The following CSNK2A1 variants were observed in gnomAD, a reference collection of about 807,000 sequenced individuals.
CSNK2A1 encodes casein kinase II subunit alpha.
CSNK2A1 carries 10 observed loss-of-function variants against 62.9 expected under a neutral mutation model. That is an observed-to-expected ratio of 0.16 (90% CI 0.10 to 0.27). The LOEUF is 0.27. CSNK2A1 is among the 10% of genes least tolerant of loss of function. CSNK2A1 has a pLI of 1.00. For synonymous variants in CSNK2A1, 124 were observed against 167.8 expected (o/e 0.74, Z 2.02); for missense variants, 160 against 492.0 (o/e 0.33, Z 6.38).
intron 1 of CSNK2A1, chr20:540,073 A>ATC (rs2019415260): frequency 6.6e-6 from 1 of 152,180 alleles, no homozygotes. Flanking sequence ...GGGCTCTCCT[A>ATC]TCTCCGTCTG....
At chr20:541,560 A>T (rs2019451258) in intron 1 of CSNK2A1, among the ~76,000 whole-genome samples, 2 of 152,194 alleles carry the variant, frequency 1.3e-5, no homozygotes, top group South Asian at 4.1e-4. Flanking sequence ...GACAATAGTA[A>T]AAACAAGGAC....
chr20:514,228 C>T (rs1350022345), intron 2 of CSNK2A1, among the ~76,000 whole-genome samples: 1 of 151,780 alleles, frequency 6.6e-6, no homozygotes, highest in Non-Finnish European at 1.5e-5. Flanking sequence ...ACTGTGGTCC[C>T]AGGTACTTGG....
chr20:526,242 C>A (rs2019087347), intron 2 of CSNK2A1, among the ~76,000 whole-genome samples: 1 of 152,050 alleles, frequency 6.6e-6, no homozygotes, highest in Non-Finnish European at 1.5e-5. Flanking sequence ...AAGGCCAAGG[C>A]AAAGGATTGT....
rs2018178593 is a variant in CSNK2A1 at position 489,820 on chromosome 20, C to T, written c.683G>A (p.Arg228Gln). 1.2e-6 allele frequency: 2 copies of T among 1,613,176 alleles called. No individual in the cohort carries two copies. The highest frequency in any genetic ancestry group is 8.5e-7 in the Non-Finnish European group (1 of 1,179,514). Residue 228 changes from arginine (R) to glutamine (Q), a missense_variant, in exon 10 of 14, where the codon CGG (arginine) becomes CAG (glutamine). Around this residue, in one of 3 missense-constraint regions of CSNK2A1, gnomAD observed 94 missense variants for 357.6 expected, o/e 0.26. Coordinates refer to ENST00000217244, the MANE Select transcript of CSNK2A1 (RefSeq NM_177559.3). Reference protein sequence around the residue: ...LGCMLASMIFRKEPFFHGHDN... With the variant: ...LGCMLASMIFQKEPFFHGHDN... ...ATGTCCATGGAAAAATGGCTCCTTC[C>T]GAAAGATCATACTTGCCAGCATACA...
At chr20:491,226 CA>C (rs147878595) in intron 9 of CSNK2A1, among the ~76,000 whole-genome samples, 1 of 152,198 alleles carries the variant, frequency 6.6e-6, no homozygotes, top group African/African-American at 2.4e-5. Context: ...AAACACTTGG[CA>C]AATCTATTAT....
At chr20:529,914 C>T (rs2019177123) in intron 1 of CSNK2A1, among the ~76,000 whole-genome samples, 1 of 152,174 alleles carries the variant, frequency 6.6e-6, no homozygotes, top group South Asian at 2.1e-4. Context: ...GAATATATTT[C>T]CCACAGATGG....
chr20:529,658 T>C (rs561420718), intron 1 of CSNK2A1, among the ~76,000 whole-genome samples: 105 of 152,222 alleles, frequency 6.9e-4, no homozygotes, highest in Non-Finnish European at 6.8e-4. Flanking sequence ...TGGAAATTGC[T>C]AAGATCTATG....
chr20:540,800 T>TA (rs1278892823), intron 1 of CSNK2A1: 1 of 152,230 alleles, frequency 6.6e-6, no homozygotes, highest in Admixed American at 6.5e-5. Flanking sequence ...ATGTAGTAGC[T>TA]AAAAATAACA....
intron 2 of CSNK2A1, among the ~76,000 whole-genome samples, chr20:511,499 TC>T (rs2018717582): frequency 6.6e-6 from 1 of 152,168 alleles, no homozygotes; most frequent in Admixed American, 6.5e-5. Context: ...TAATTTTCCC[TC>T]CCCCAACTCT....
chr20:508,909 T>C (rs1025542509), intron 2 of CSNK2A1, among the ~76,000 whole-genome samples: 4 of 152,312 alleles, frequency 2.6e-5, no homozygotes, highest in South Asian at 4.1e-4. Flanking sequence ...CAGGCAAAAT[T>C]TGAATGATTT....
rs1165379071 is a variant in CSNK2A1, at chr20:473,564, G to C, written c.*10397C>G. On this transcript the variant is annotated 3_prime_UTR_variant, in exon 14 of 14. Coordinates refer to ENST00000217244, the MANE Select transcript of CSNK2A1 (RefSeq NM_177559.3). ...GGGGATACAGGGAAGGGTCTGGGTGGAGCACTGTGATCCTTTCACAGTAGC... is the reference window on the plus strand; with the variant it reads ...GGGGATACAGGGAAGGGTCTGGGTGCAGCACTGTGATCCTTTCACAGTAGC... The C allele has an allele frequency of 6.6e-6, 1 of 152,292 alleles. No homozygotes were observed. Among genetic ancestry groups the C allele is most frequent in the East Asian group, 1.9e-4 (1 of 5,172 alleles). The allele number at this position is 152,292 out of a possible 1,614,324, so 9.4% of individuals were successfully genotyped here. A position where few individuals can be genotyped will look rare whatever the true frequency, so the allele number is the denominator to read the frequency against.
At position 488,701 on chromosome 20, in the gene CSNK2A1, T is replaced by C. The variant is rs1469499409; in HGVS notation, c.801A>G (p.Pro267=). 6.2e-7 allele frequency: 1 copy of C among 1,613,864 alleles called. No homozygotes were observed. The highest frequency in any genetic ancestry group is 8.5e-7 in the Non-Finnish European group (1 of 1,179,916). Residue 267 remains proline, a synonymous_variant, in exon 11 of 14, where the codon CCA becomes CCG. Transcript: ENST00000217244. ...YIDKYNIELD[P]RFNDILGRHS... ...ACCTGCCCAAGATATCATTGAAACG[T>C]GGATCTAATTCAATGTTGTATTTGT...
chr20:543,737 A>C lies in CSNK2A1; in HGVS notation c.-292T>G. ...TGCTCACACAGACAATATGGCGGCG[A>C]TGGAGGAGGAGACACACGGCTCGGC... On this transcript the variant is annotated 5_prime_UTR_variant, in exon 1 of 14. Transcript: ENST00000217244. 3 of 398,350 alleles carry C rather than the reference A, an allele frequency of 7.5e-6. No individual in the cohort carries two copies. Among genetic ancestry groups the C allele is most frequent in the Non-Finnish European group, 1.3e-5 (3 of 225,940 alleles). 24.7% of individuals were successfully genotyped at this position (398,350 alleles called of 1,614,324 possible).
At position 479,921 on chromosome 20, in the gene CSNK2A1, G is replaced by A. The variant is rs1365800361; in HGVS notation, c.*4040C>T. ...GGAATATTGAACTGGTATGTATTCC[G>A]CAAATATTCCAAAAATCCAAAAAAA... On this transcript the variant is annotated 3_prime_UTR_variant, in exon 14 of 14. Transcript: ENST00000217244. The A allele has an allele frequency of 3.3e-5, 5 of 152,004 alleles. No homozygotes were observed. The East Asian group carries it at 7.7e-4, about 23-fold the overall frequency. 9.4% of individuals were successfully genotyped at this position (152,004 alleles called of 1,614,324 possible). A position where few individuals can be genotyped will look rare whatever the true frequency, so the allele number is the denominator to read the frequency against.
rs376244207 is a variant in CSNK2A1 at position 517,470 on chromosome 20, A to G, written c.-109-8810T>C. Among the ~76,000 whole-genome samples the G allele has an allele frequency of 1.3e-3, 205 of 152,314 alleles. 4 individuals carry two copies. The South Asian group carries it at 0.024, about 18-fold the overall frequency. On this transcript the variant is annotated intron_variant, in intron 2 of 13. Coordinates refer to ENST00000217244, the MANE Select transcript of CSNK2A1 (RefSeq NM_177559.3). ...CAGACAAAGAAAACAGACCATTACAATCTCAAGTGATCAGTGCTTGAAACA... is the reference window on the plus strand; with the variant it reads ...CAGACAAAGAAAACAGACCATTACAGTCTCAAGTGATCAGTGCTTGAAACA...
chr20:513,819 G>A (rs1415238963), intron 2 of CSNK2A1, among the ~76,000 whole-genome samples: 2 of 152,210 alleles, frequency 1.3e-5, no homozygotes, highest in African/African-American at 4.8e-5. Context: ...TAGCAGATCT[G>A]ATTCTCCACT....
At chr20:537,084 CA>C (rs1316518949) in intron 1 of CSNK2A1, among the ~76,000 whole-genome samples, 3 of 152,156 alleles carry the variant, frequency 2.0e-5, no homozygotes, top group Non-Finnish European at 4.4e-5. Context: ...AGGAAAATTT[CA>C]AATGTTCACT....
intron 2 of CSNK2A1, among the ~76,000 whole-genome samples, chr20:525,650 C>CAAAAAAAAAA: frequency 1.6e-5 from 1 of 61,020 alleles, no homozygotes; most frequent in Non-Finnish European, 3.5e-5. Flanking sequence ...GACTCCATCT[C>CAAAAAAAAAA]AAAAAAAAAA....
At chr20:526,784 T>A (rs1169266221) in intron 2 of CSNK2A1, 1 of 151,796 alleles carries the variant, frequency 6.6e-6, no homozygotes, top group Non-Finnish European at 1.5e-5. Flanking sequence ...TGAAACCCCA[T>A]CTCTACTAAA....
Sources: allele counts gnomAD v4.1 joint callset (sites outside exome capture counted in the v4.1 genomes callset), GRCh38; gene constraint gnomAD v4.1.1; regional missense constraint gnomAD v4.1.1; transcripts MANE v1.5; gene names NCBI Gene and HGNC (gene_info 2026-07-23, HGNC 2026-07-21).